RAB5A: variants seen among roughly 807,000 people sequenced by gnomAD.
The protein encoded by RAB5A is ras-related protein Rab-5A.
Under a neutral mutation model 25.7 loss-of-function variants are expected in RAB5A, and 8 were observed. That is an observed-to-expected ratio of 0.31 (90% confidence interval 0.18 to 0.56). RAB5A has a LOEUF of 0.56. Ranked by LOEUF, RAB5A falls within the 20% of genes least tolerant of loss-of-function variation. RAB5A has a pLI of 0.91. For synonymous variants in RAB5A, 98 were observed against 89.8 expected, an observed-to-expected ratio of 1.09 and a Z score of -0.52; for missense variants, 192 against 259.7, an observed-to-expected ratio of 0.74 and a Z score of 1.79.
At chr3:19,966,402 T>C (rs1397333286) in intron 2 of RAB5A, among the ~76,000 whole-genome samples, 1 of 152,242 alleles carries the variant, frequency 6.6e-6, no homozygotes, top group Non-Finnish European at 1.5e-5. Flanking sequence ...CTGGATAATA[T>C]TCCATTGTAT....
chr3:19,981,613 C>CAAA (rs11307995), intron 5 of RAB5A, among the ~76,000 whole-genome samples: 2 of 138,942 alleles, frequency 1.4e-5, no homozygotes, highest in African/African-American at 5.2e-5. Context: ...GACTCCGCCT[C>CAAA]AAAAAAAAAA....
intron 2 of RAB5A, among the ~76,000 whole-genome samples, chr3:19,963,393 A>C (rs1224038077): frequency 9.1e-6 from 1 of 109,970 alleles, no homozygotes; most frequent in Non-Finnish European, 1.7e-5. Context: ...TATTTTCGTA[A>C]GATCAATTTC....
At position 19,984,918 on chromosome 3, in the gene RAB5A, A is replaced by G. The variant is rs994629439; in HGVS notation, c.*1095A>G. The G allele has an allele frequency of 1.9e-5, 3 of 154,612 alleles. No homozygotes were observed. The highest frequency in any genetic ancestry group is 3.4e-3 in the Middle Eastern group (1 of 298). 9.6% of individuals were successfully genotyped at this position (154,612 alleles called of 1,614,324 possible). ...CGTAATTTGTAACATAAAGTATTGCAATATGTTAGTAACAATCTTGCAGCC... is the reference window on the plus strand; with the variant it reads ...CGTAATTTGTAACATAAAGTATTGCGATATGTTAGTAACAATCTTGCAGCC... On this transcript the variant is annotated 3_prime_UTR_variant, in exon 6 of 6. Coordinates refer to ENST00000273047, the MANE Select transcript of RAB5A (RefSeq NM_004162.5).
intron 2 of RAB5A, among the ~76,000 whole-genome samples, chr3:19,972,851 A>T (rs746271573): frequency 2.6e-5 from 4 of 152,142 alleles, no homozygotes; most frequent in Non-Finnish European, 5.9e-5. Context: ...AACTGGCTTG[A>T]GAATTGGATC....
rs61250458 is a variant in RAB5A, at chr3:19,951,701, G to GTTTTTTTTTTTTT, written c.163+646_163+658dup. Among the ~76,000 whole-genome samples, 425 of 98,976 alleles carry GTTTTTTTTTTTTT rather than the reference G, an allele frequency of 4.3e-3. 32 individuals carry two copies. The highest frequency in any genetic ancestry group is 0.014 in the African/African-American group (351 of 24,380). The allele number at this position is 98,976 out of a possible 152,430, so 64.9% of individuals were successfully genotyped here. A position where few individuals can be genotyped will look rare whatever the true frequency, so the allele number is the denominator to read the frequency against. On this transcript the variant is annotated intron_variant, in intron 2 of 5. Transcript: ENST00000273047. ...GGGTGCATGCCACCATGCCAGGCAA[G>GTTTTTTTTTTTTT]TTTTTTTTTTTTTTTTTTAAGAGTC...
Position 19,981,252 on chromosome 3 carries a change from T to C in RAB5A, c.533-2456T>C, listed in dbSNP as rs9847217. 3.0e-3 allele frequency among the ~76,000 whole-genome samples: 460 copies of C among 152,340 alleles called. 3 individuals carry two copies. The highest frequency in any genetic ancestry group is 0.011 in the African/African-American group (441 of 41,580). On this transcript the variant is annotated intron_variant, in intron 5 of 5. Transcript: ENST00000273047. ...ATAACTCGATGGGGTGAAAGTGATA[T>C]GCATTTAGTACATTCTTAACTTACT...
At chr3:19,964,540 G>A (rs1159232685) in intron 2 of RAB5A, among the ~76,000 whole-genome samples, 4 of 152,292 alleles carry the variant, frequency 2.6e-5, no homozygotes, top group African/African-American at 7.2e-5. Context: ...CCCTGAAGGC[G>A]CCCATACTGA....
chr3:19,951,490 C>T (rs1696421427), intron 2 of RAB5A, among the ~76,000 whole-genome samples: 2 of 152,104 alleles, frequency 1.3e-5, no homozygotes, highest in Admixed American at 6.5e-5. Context: ...ATTATACTTA[C>T]TTGTAAAATT....
intron 2 of RAB5A, among the ~76,000 whole-genome samples, chr3:19,973,691 A>C (rs1696783263): frequency 6.6e-6 from 1 of 152,168 alleles, no homozygotes; most frequent in Non-Finnish European, 1.5e-5. Context: ...ATTAATGAGA[A>C]TTCATAAAAC....
At chr3:19,968,125 C>T (rs1031701211) in intron 2 of RAB5A, among the ~76,000 whole-genome samples, 1 of 152,134 alleles carries the variant, frequency 6.6e-6, no homozygotes, top group African/African-American at 2.4e-5. Flanking sequence ...CACAAAGCCT[C>T]ATTCTATTTC....
intron 5 of RAB5A, among the ~76,000 whole-genome samples, chr3:19,982,290 A>G (rs1317050695): frequency 6.6e-6 from 1 of 152,106 alleles, no homozygotes; most frequent in Non-Finnish European, 1.5e-5. Context: ...GATCACAACG[A>G]AGTGTTGAGT....
chr3:19,971,576 A>C (rs1026050856), intron 2 of RAB5A, among the ~76,000 whole-genome samples: 3 of 152,024 alleles, frequency 2.0e-5, no homozygotes, highest in Non-Finnish European at 4.4e-5. Flanking sequence ...AGTTCAAGTG[A>C]TTCTCCTGCC....
Position 19,983,725 on chromosome 3 carries a change from A to C in RAB5A, c.550A>C (p.Asn184His). ...TCTTTCAGCTAAAAAATTGCCAAAG[A>C]ATGAACCACAAAATCCAGGAGCAAA... ...FMAIAKKLPK[N>H]EPQNPGANSA... Residue 184 changes from asparagine to histidine, a missense_variant, in exon 6 of 6, where the codon AAT becomes CAT. Physicochemically the swap from Asn to His is moderately conservative, Grantham distance 68. Transcript: ENST00000273047. 6.2e-7 allele frequency: 1 copy of C among 1,610,236 alleles called. No homozygotes were observed. The highest frequency in any genetic ancestry group is 8.5e-7 in the Non-Finnish European group (1 of 1,177,638).
chr3:19,977,986 C>T (rs1307114108), intron 4 of RAB5A, among the ~76,000 whole-genome samples: 1 of 152,136 alleles, frequency 6.6e-6, no homozygotes, highest in Non-Finnish European at 1.5e-5. Context: ...CCGTTGAGAT[C>T]AAAGAGAGTT....
intron 5 of RAB5A, among the ~76,000 whole-genome samples, chr3:19,979,487 A>T (rs1252756512): frequency 6.6e-6 from 1 of 150,466 alleles, no homozygotes; most frequent in Admixed American, 6.6e-5. Context: ...GGGTTTCACC[A>T]TGTTAGCCAG....
At chr3:19,953,510 C>T (rs1462697825) in intron 2 of RAB5A, among the ~76,000 whole-genome samples, 1 of 150,772 alleles carries the variant, frequency 6.6e-6, no homozygotes, top group African/African-American at 2.4e-5. Context: ...CAGGATCAAG[C>T]AATTCTCATG....
chr3:19,976,773 T>TA (rs1332797038), intron 4 of RAB5A, among the ~76,000 whole-genome samples: 1 of 152,146 alleles, frequency 6.6e-6, no homozygotes, highest in Admixed American at 6.6e-5. Flanking sequence ...ATCCCACACA[T>TA]ACTTTATGTC....
Position 19,951,012 on chromosome 3 carries a change from T to C in RAB5A, c.114T>C (p.Leu38=). ...CTGTTGGCAAATCAAGCCTAGTGCTTCGTTTTGTGAAAGGCCAATTTCATG... is the reference window on the plus strand; with the variant it reads ...CTGTTGGCAAATCAAGCCTAGTGCTCCGTTTTGTGAAAGGCCAATTTCATG... ...ESAVGKSSLV[L]RFVKGQFHEF... is the part of the protein sequence containing the mutation. The change falls in exon 2 of 6, where the codon CTT becomes CTC. Residue 38 remains leucine, a synonymous_variant. Transcript: ENST00000273047. 1 of 1,614,018 alleles carries C rather than the reference T, an allele frequency of 6.2e-7. No homozygotes were observed. The highest frequency in any genetic ancestry group is 8.5e-7 in the Non-Finnish European group (1 of 1,179,930).
chr3:19,949,705 T>G (rs1696394642), intron 1 of RAB5A, among the ~76,000 whole-genome samples: 1 of 152,198 alleles, frequency 6.6e-6, no homozygotes, highest in Non-Finnish European at 1.5e-5. Flanking sequence ...AGCATAGAAG[T>G]CGCCATTCAG....
Sources: gnomAD v4.1 joint callset for allele counts (sites outside exome capture counted in the v4.1 genomes callset) on GRCh38, gnomAD v4.1.1 for gene constraint, MANE v1.5 for transcripts, NCBI Gene and HGNC (gene_info 2026-07-23, HGNC 2026-07-21) for gene names.